The following MIS18A variants were observed in gnomAD, a reference collection of about 807,000 sequenced individuals.
MIS18A encodes protein Mis18-alpha.
A neutral mutation model predicts 25.0 loss-of-function variants in MIS18A; 14 were observed. That is an observed-to-expected ratio of 0.56 (90% CI 0.37 to 0.88). The LOEUF (loss-of-function observed/expected upper bound fraction) is 0.88, where lower values mean the gene tolerates loss of function less well. Ranked by LOEUF, MIS18A falls within the 40% of genes least tolerant of loss-of-function variation. MIS18A has a pLI of 0.00. For missense variants in MIS18A, 292 were observed against 290.8 expected (o/e 1.00, Z -0.03); for synonymous variants, 134 against 118.6 (o/e 1.13, Z -0.84).
chr21:32,207,743 T>C, the MIS18A span, among the ~76,000 whole-genome samples: 1 of 152,162 alleles, frequency 6.6e-6, no homozygotes, highest in Non-Finnish European at 1.5e-5. Context: ...ACTTTAAAAA[T>C]TATAATACCA....
chr21:32,249,122 A>AGATG, the MIS18A span, among the ~76,000 whole-genome samples: 1 of 152,224 alleles, frequency 6.6e-6, no homozygotes, highest in African/African-American at 2.4e-5. Flanking sequence ...TGGCAGAGAA[A>AGATG]GATGGTTGAT....
chr21:32,247,583 G>C, the MIS18A span, among the ~76,000 whole-genome samples: 1 of 152,170 alleles, frequency 6.6e-6, no homozygotes. Flanking sequence ...AACCATATTC[G>C]GATGTAGGGT....
the MIS18A span, among the ~76,000 whole-genome samples, chr21:32,238,072 G>A: frequency 3.9e-5 from 6 of 152,190 alleles, no homozygotes; most frequent in Non-Finnish European, 8.8e-5. Flanking sequence ...TCTGGCAAAA[G>A]GAGAGGGGAG....
chr21:32,276,062 T>C (rs1008941898), intron 1 of MIS18A, among the ~76,000 whole-genome samples: 1 of 152,204 alleles, frequency 6.6e-6, no homozygotes, highest in African/African-American at 2.4e-5. Flanking sequence ...GATCTCTTCC[T>C]TCCTCCCTAA....
the MIS18A span, among the ~76,000 whole-genome samples, chr21:32,210,808 G>T: frequency 6.6e-6 from 1 of 152,140 alleles, no homozygotes; most frequent in Admixed American, 6.5e-5. Flanking sequence ...AAATTCATAT[G>T]CAATCTGCTG....
chr21:32,199,936 G>T, the MIS18A span, among the ~76,000 whole-genome samples: 1 of 152,234 alleles, frequency 6.6e-6, no homozygotes, highest in African/African-American at 2.4e-5. Context: ...GCACATTAAG[G>T]TTACAAAAGT....
At chr21:32,250,562 C>T in the MIS18A span, among the ~76,000 whole-genome samples, 1 of 152,218 alleles carries the variant, frequency 6.6e-6, no homozygotes, top group African/African-American at 2.4e-5. Flanking sequence ...CCACTTTCTT[C>T]TCCAGCTCTG....
chr21:32,247,254 G>A, the MIS18A span, among the ~76,000 whole-genome samples: 1 of 152,114 alleles, frequency 6.6e-6, no homozygotes, highest in Non-Finnish European at 1.5e-5. Flanking sequence ...TCTGGACCAG[G>A]ATCCCAAACT....
chr21:32,163,370 T>C, the MIS18A span, among the ~76,000 whole-genome samples: 1 of 152,228 alleles, frequency 6.6e-6, no homozygotes, highest in East Asian at 1.9e-4. Context: ...TTCTGGTTCT[T>C]TTCCATCACT....
At chr21:32,188,072 T>A in the MIS18A span, among the ~76,000 whole-genome samples, 9 of 152,180 alleles carry the variant, frequency 5.9e-5, 1 homozygote, top group African/African-American at 1.9e-4. Context: ...AAGGTGGCCA[T>A]CTGCAAGCCA....
At chr21:32,211,240 C>T in the MIS18A span, among the ~76,000 whole-genome samples, 1 of 152,172 alleles carries the variant, frequency 6.6e-6, no homozygotes, top group African/African-American at 2.4e-5. Flanking sequence ...GGGGTTTCAA[C>T]ATGTTGGTCA....
chr21:32,180,574 A>G, the MIS18A span, among the ~76,000 whole-genome samples: 3 of 152,212 alleles, frequency 2.0e-5, no homozygotes, highest in Non-Finnish European at 4.4e-5. Context: ...TTTCTCCAGG[A>G]AAAATGCCAA....
the MIS18A span, among the ~76,000 whole-genome samples, chr21:32,209,968 T>C: frequency 5.5e-4 from 84 of 152,314 alleles, no homozygotes; most frequent in Non-Finnish European, 1.0e-3. Context: ...AATGGACTAA[T>C]ACAGAAATCA....
the MIS18A span, among the ~76,000 whole-genome samples, chr21:32,182,571 G>A: frequency 6.6e-6 from 1 of 152,172 alleles, no homozygotes; most frequent in Non-Finnish European, 1.5e-5. Flanking sequence ...TGGCAGGTGA[G>A]CCTCGGGTGG....
At chr21:32,191,827 C>G in the MIS18A span, among the ~76,000 whole-genome samples, 12 of 151,726 alleles carry the variant, frequency 7.9e-5, no homozygotes, top group Non-Finnish European at 1.5e-4. Flanking sequence ...ATCGCTTCAA[C>G]CCGGGAGGTG....
chr21:32,264,235 T>C (rs1469359413), downstream of MIS18A, among the ~76,000 whole-genome samples: 1 of 152,176 alleles, frequency 6.6e-6, no homozygotes, highest in African/African-American at 2.4e-5. Context: ...TAGAAGGATA[T>C]ACCTCAAAAT....
downstream of MIS18A, among the ~76,000 whole-genome samples, chr21:32,264,147 T>C (rs556693798): frequency 2.0e-5 from 3 of 152,306 alleles, no homozygotes; most frequent in Non-Finnish European, 2.9e-5. Flanking sequence ...TATTCGATTA[T>C]ATAGAAATAT....
Position 32,276,697 on chromosome 21 carries a change from G to A in MIS18A, c.335-1801C>T, listed in dbSNP as rs572016866. On this transcript the variant is annotated intron_variant, in intron 1 of 4. Coordinates refer to ENST00000290130, the MANE Select transcript of MIS18A (RefSeq NM_018944.3). ...TGTACTCCCAGCACTTTAGGAGGCC[G>A]AAGCAGGGGATTGCTTGGGGCCAGG... is the stretch of plus-strand genomic sequence containing the variant. Among the ~76,000 whole-genome samples, 9 of 152,156 alleles carry A rather than the reference G, an allele frequency of 5.9e-5. No homozygotes were observed. In the East Asian group the frequency reaches 9.7e-4, roughly 16 times the overall value.
In MIS18A at chr21:32,269,128, TAAAAAATA is replaced by T. The variant is rs759851504; in HGVS notation, c.622-19_622-12del. ...CAAGACATCTTCCATCTATTGAATT[TAAAAAATA>T]AAAAAATAAAGAAACACACATATAA... On this transcript the variant is annotated splice_polypyrimidine_tract_variant and intron_variant, in intron 4 of 4. Coordinates refer to ENST00000290130, the MANE Select transcript of MIS18A (RefSeq NM_018944.3). The T allele has an allele frequency of 7.1e-6, 11 of 1,545,456 alleles. No individual in the cohort carries two copies. In the Middle Eastern group the frequency reaches 1.2e-3, roughly 169 times the overall value.
Sources: gnomAD v4.1 joint callset for allele counts (sites outside exome capture counted in the v4.1 genomes callset) on GRCh38, gnomAD v4.1.1 for gene constraint, MANE v1.5 for transcripts, NCBI Gene and HGNC (gene_info 2026-07-23, HGNC 2026-07-21) for gene names.